Variants in AKAP1 observed in about 807,000 individuals in gnomAD.
AKAP1 encodes the protein A-kinase anchoring protein 1.
Under a neutral mutation model 79.8 loss-of-function variants are expected in AKAP1, and 32 were observed. That is an observed-to-expected ratio of 0.40 (90% CI 0.30 to 0.54). The LOEUF is 0.54. Among genes scored for constraint, AKAP1 ranks in the 20% least tolerant of loss-of-function variants. AKAP1 has a pLI of 0.47. For synonymous variants in AKAP1, 416 were observed against 466.7 expected, an observed-to-expected ratio of 0.89 and a Z score of 1.40; for missense variants, 961 against 1,138.9, an observed-to-expected ratio of 0.84 and a Z score of 2.25.
chr17:57,105,418 C>T (rs201149785), intron 1 of AKAP1, 23 bp from the exon 2 acceptor site: 98 of 1,608,210 alleles, frequency 6.1e-5, no homozygotes, highest in Admixed American at 1.7e-5. Flanking sequence ...CATCCCTCCT[C>T]CCCGCTCTCC....
rs1914916456 is a variant in AKAP1 at position 57,106,871 on chromosome 17, C to G, written c.1407C>G (p.Thr469=). 1 of 1,613,968 alleles carries G rather than the reference C, an allele frequency of 6.2e-7. No individual in the cohort carries two copies. Among genetic ancestry groups the G allele is most frequent in the African/African-American group, 1.3e-5 (1 of 75,042 alleles). ...TGGCCTCCTGCCTGGCACTGACCACCCCCAGTGAAGAGTTGCCGGACCGGG... is the reference window on the plus strand; with the variant it reads ...TGGCCTCCTGCCTGGCACTGACCACGCCCAGTGAAGAGTTGCCGGACCGGG... ...ISLASCLALT[T]PSEELPDRAG... Residue 469 remains threonine, a synonymous_variant, in exon 2 of 11, where the codon ACC becomes ACG. Transcript: ENST00000337714.
intron 1 of AKAP1, among the ~76,000 whole-genome samples, chr17:57,090,461 G>T (rs1405924579): frequency 6.7e-6 from 1 of 149,924 alleles, no homozygotes; most frequent in East Asian, 2.0e-4. Flanking sequence ...CCTGGGCTGG[G>T]GCGTGCTCCC....
At chr17:57,088,913 G>A (rs565616271) in intron 1 of AKAP1, among the ~76,000 whole-genome samples, 15 of 152,238 alleles carry the variant, frequency 9.9e-5, no homozygotes, top group African/African-American at 3.1e-4. Flanking sequence ...TGTGTTCACC[G>A]AGCCAGGTGT....
At chr17:57,107,893 G>A (rs1212329613) in intron 2 of AKAP1, 1 of 1,192,436 alleles carries the variant, frequency 8.4e-7, no homozygotes, top group East Asian at 5.7e-5. Flanking sequence ...TGAGCTTCCT[G>A]AGTTGTCGCT....
At position 57,114,634 on chromosome 17, in the gene AKAP1, A is replaced by C; in HGVS notation, c.2279A>C (p.Glu760Ala). 6.2e-7 allele frequency: 1 copy of C among 1,613,486 alleles called. No individual in the cohort carries two copies. Among genetic ancestry groups the C allele is most frequent in the African/African-American group, 1.3e-5 (1 of 75,026 alleles). Residue 760 changes from glutamate to alanine, a missense_variant and splice_region_variant, in exon 6 of 11, where the codon GAA becomes GCA. Physicochemically the swap from Glu to Ala is moderately radical, Grantham distance 107. Transcript: ENST00000337714. ...ATCCCCACCTTGCCCACCCCAGTGG[A>C]AAGTAAGCAGTGCCCTGAGGGGTCG... Reference protein sequence around the residue: ...PGIPTLPTPVEITVICAAPGA... With the variant: ...PGIPTLPTPVAITVICAAPGA...
At chr17:57,095,614 T>C (rs556439929) in intron 1 of AKAP1, 1 of 152,140 alleles carries the variant, frequency 6.6e-6, no homozygotes, top group Non-Finnish European at 1.5e-5. Flanking sequence ...AGAAATTACC[T>C]TCTATGCTTT....
chr17:57,102,571 T>G (rs1421247582), intron 1 of AKAP1, among the ~76,000 whole-genome samples: 2 of 151,700 alleles, frequency 1.3e-5, no homozygotes, highest in African/African-American at 2.4e-5. Context: ...GTTCAAGTGA[T>G]TCTCCCGCTC....
At chr17:57,093,927 A>G (rs1913934439) in intron 1 of AKAP1, 1 of 152,172 alleles carries the variant, frequency 6.6e-6, no homozygotes, top group African/African-American at 2.4e-5. Context: ...ATCCCAGTGT[A>G]GAGATAGCCC....
intron 1 of AKAP1, among the ~76,000 whole-genome samples, chr17:57,105,189 C>T (rs1156835888): frequency 1.3e-5 from 2 of 152,134 alleles, no homozygotes; most frequent in African/African-American, 2.4e-5. Flanking sequence ...ATAGAATGCT[C>T]GGTTTGTTTC....
At chr17:57,101,165 A>G (rs1914482940) in intron 1 of AKAP1, among the ~76,000 whole-genome samples, 1 of 152,222 alleles carries the variant, frequency 6.6e-6, no homozygotes, top group South Asian at 2.1e-4. Flanking sequence ...TCCCATCATT[A>G]CCACTTTTTT....
chr17:57,107,098 A>C lies in AKAP1; in HGVS notation c.1634A>C (p.Asn545Thr), dbSNP rs1457060189. 5 of 1,614,014 alleles carry C rather than the reference A, an allele frequency of 3.1e-6. No homozygotes were observed. Among genetic ancestry groups the C allele is most frequent in the Non-Finnish European group, 4.2e-6 (5 of 1,179,998 alleles). ...PLPESTVPFS[N>T]GVLKGELSDL... ...CCAGAAAGTACTGTGCCCTTCAGCA[A>C]TGGGGTGCTGAAGGGGGAGTTGTCA... The change falls in exon 2 of 11, where the codon AAT becomes ACT. Residue 545 changes from asparagine (N) to threonine (T), a missense_variant. By Grantham distance (65) the Asn-to-Thr change is moderately conservative. Around this residue, in one of 3 missense-constraint regions of AKAP1, gnomAD observed 629 missense variants for 781.1 expected, o/e 0.81. Transcript: ENST00000337714.
rs759333138 is a variant in AKAP1 at position 57,116,221 on chromosome 17, G to A, written c.2392G>A (p.Gly798Arg). ...GGAGATTCGATACGTGGACTACGGC[G>A]GATATAAGAGGGTGAAAGTAGACGT... is the stretch of plus-strand genomic sequence containing the variant. Reference protein sequence around the residue: ...EVEIRYVDYGGYKRVKVDVLR... With the variant: ...EVEIRYVDYGRYKRVKVDVLR... The change falls in exon 7 of 11, where the codon GGA becomes AGA. Residue 798 changes from glycine to arginine, a missense_variant. Physicochemically the swap from Gly to Arg is moderately radical, Grantham distance 125. This residue lies in a region of AKAP1 where 629 missense variants were observed against 781.1 expected (regional missense o/e 0.81). Coordinates refer to ENST00000337714, the MANE Select transcript of AKAP1 (RefSeq NM_003488.4). The A allele has an allele frequency of 5.6e-6, 9 of 1,614,202 alleles. No homozygotes were observed. Among genetic ancestry groups the A allele is most frequent in the Admixed American group, 1.7e-5 (1 of 60,030 alleles).
At chr17:57,117,632 T>C (rs1567917779) in intron 8 of AKAP1, among the ~76,000 whole-genome samples, 1 of 152,318 alleles carries the variant, frequency 6.6e-6, no homozygotes, top group Non-Finnish European at 1.5e-5. Flanking sequence ...GGAGTCGGCT[T>C]AGAGGGAGCA....
At position 57,106,742 on chromosome 17, in the gene AKAP1, A is replaced by C; in HGVS notation, c.1278A>C (p.Ala426=). The stretch of plus-strand genomic sequence containing the variant: ...GCCTCCCCTTGCCAGGCCTACCAGC[A>C]GAGGGCTCACCACCACCAAAGACCT... The part of the protein sequence containing the change: ...DAGLPLPGLP[A]EGSPPPKTYV... Residue 426 remains alanine, a synonymous_variant, in exon 2 of 11, where the codon GCA becomes GCC. Coordinates refer to ENST00000337714, the MANE Select transcript of AKAP1 (RefSeq NM_003488.4). 2 of 1,614,026 alleles carry C rather than the reference A, an allele frequency of 1.2e-6. No homozygotes were observed. The highest frequency in any genetic ancestry group is 1.7e-6 in the Non-Finnish European group (2 of 1,180,030).
rs1327625066 is a variant in AKAP1, at chr17:57,116,855, C to T, written c.2433-5C>T. The T allele has an allele frequency of 2.5e-6, 4 of 1,613,934 alleles. No individual in the cohort carries two copies. The highest frequency in any genetic ancestry group is 1.3e-5 in the African/African-American group (1 of 74,904). On this transcript the variant is annotated splice_polypyrimidine_tract_variant and splice_region_variant and intron_variant, in intron 7 of 10. Transcript: ENST00000337714. ...ATTAAACTTGTTCCTTTCTTGCCTT[C>T]CCAGGTCTGACTTTGTCACCCTGCC...
rs754943173 is a variant in AKAP1 at position 57,118,464 on chromosome 17, T to C, written c.2574+10T>C. 1 of 1,613,756 alleles carries C rather than the reference T, an allele frequency of 6.2e-7. No individual in the cohort carries two copies. The highest frequency in any genetic ancestry group is 1.1e-5 in the South Asian group (1 of 91,064). ...AGCACTGCTTGCTCAGGTGTGTGGT[T>C]GGCAGGGGTGGGGGAGGCAGGCTGG... is the stretch of plus-strand genomic sequence containing the variant. On this transcript the variant is annotated intron_variant, in intron 9 of 10. Coordinates refer to ENST00000337714, the MANE Select transcript of AKAP1 (RefSeq NM_003488.4).
chr17:57,109,907 C>A, intron 2 of AKAP1, 118 bp from the exon 3 acceptor site: 1 of 1,370,802 alleles, frequency 7.3e-7, no homozygotes. Context: ...ACCTGCCAAG[C>A]TTGAGGAGCG....
At chr17:57,093,130 C>G (rs1232007224) in intron 1 of AKAP1, 4 of 152,278 alleles carry the variant, frequency 2.6e-5, no homozygotes, top group African/African-American at 9.7e-5. Flanking sequence ...GTGACCGTTC[C>G]TCAACTCTCC....
At chr17:57,116,636 C>T (rs1021903611) in intron 7 of AKAP1, among the ~76,000 whole-genome samples, 5 of 152,148 alleles carry the variant, frequency 3.3e-5, no homozygotes. Context: ...GAAGCAGGCT[C>T]CTTTTTAGGA....
Sources: gnomAD v4.1 joint callset for allele counts (sites outside exome capture counted in the v4.1 genomes callset) on GRCh38, gnomAD v4.1.1 for gene constraint, gnomAD v4.1.1 regional missense constraint, MANE v1.5 for transcripts, NCBI Gene and HGNC (gene_info 2026-07-23, HGNC 2026-07-21) for gene names.